The following RSPO4 variants were observed in gnomAD, a reference collection of about 807,000 sequenced individuals.
RSPO4 encodes the protein R-spondin-4.
RSPO4 carries 23 observed loss-of-function variants against 24.8 expected under a neutral mutation model. That is an observed-to-expected ratio of 0.93 (90% CI 0.67 to 1.31). The LOEUF (loss-of-function observed/expected upper bound fraction) is 1.31. RSPO4 is among the 40% of genes most tolerant of loss of function. RSPO4 has a pLI of 0.00. For missense variants in RSPO4, 333 were observed against 316.5 expected, an observed-to-expected ratio of 1.05 and a Z score of -0.39; for synonymous variants, 141 against 127.4, an observed-to-expected ratio of 1.11 and a Z score of -0.72.
At chr20:976,629 CT>C (rs1276788376) in intron 1 of RSPO4, among the ~76,000 whole-genome samples, 1 of 151,988 alleles carries the variant, frequency 6.6e-6, no homozygotes, top group Non-Finnish European at 1.5e-5. Context: ...CATATCATGC[CT>C]TCCATCTGCC....
intron 4 of RSPO4, among the ~76,000 whole-genome samples, chr20:963,534 C>A (rs1984073568): frequency 6.6e-6 from 1 of 152,088 alleles, no homozygotes; most frequent in African/African-American, 2.4e-5. Flanking sequence ...GCGCTTCCAT[C>A]AAGAAATTTC....
At chr20:978,682 C>G (rs570905323) in intron 1 of RSPO4, among the ~76,000 whole-genome samples, 209 of 152,180 alleles carry the variant, frequency 1.4e-3, no homozygotes, top group African/African-American at 5.0e-3. Flanking sequence ...AGGACCCAGG[C>G]AAGGTGGGAG....
At chr20:984,434 A>G (rs1460969871) in intron 1 of RSPO4, among the ~76,000 whole-genome samples, 1 of 152,182 alleles carries the variant, frequency 6.6e-6, no homozygotes, top group Non-Finnish European at 1.5e-5. Context: ...GGCCAGGTCT[A>G]AAAGTCAGCG....
At position 967,149 on chromosome 20, in the gene RSPO4, G is replaced by T. The variant is rs775201465; in HGVS notation, c.409+25C>A. On this transcript the variant is annotated intron_variant, in intron 3 of 4. Transcript: ENST00000217260. ...CTCCAGGGAGAGGGGAGGGGCAGGGGCAGGGCGGGGAGGTCCCCACTCACC... is the reference window on the plus strand; with the variant it reads ...CTCCAGGGAGAGGGGAGGGGCAGGGTCAGGGCGGGGAGGTCCCCACTCACC... The T allele has an allele frequency of 1.2e-5, 20 of 1,608,114 alleles. No individual in the cohort carries two copies. The African/African-American group carries it at 2.5e-4, about 20-fold the overall frequency.
chr20:1,000,157 C>T (rs1047421726), intron 1 of RSPO4, among the ~76,000 whole-genome samples: 8 of 152,310 alleles, frequency 5.3e-5, no homozygotes, highest in Non-Finnish European at 1.2e-4. Flanking sequence ...GCGTGAGCCA[C>T]CACACCTGGC....
intron 3 of RSPO4, among the ~76,000 whole-genome samples, chr20:964,793 T>TAC (rs1320914818): frequency 4.3e-4 from 45 of 104,046 alleles, no homozygotes; most frequent in African/African-American, 2.6e-3. Flanking sequence ...TATATACACA[T>TAC]ATATACACAC....
chr20:992,823 C>T (rs957038010), intron 1 of RSPO4, among the ~76,000 whole-genome samples: 5 of 152,188 alleles, frequency 3.3e-5, no homozygotes, highest in African/African-American at 7.2e-5. Flanking sequence ...ACCAGCAATG[C>T]GTTTGTCTAT....
chr20:968,855 C>T (rs1431680901), intron 1 of RSPO4, among the ~76,000 whole-genome samples: 1 of 152,180 alleles, frequency 6.6e-6, no homozygotes, highest in East Asian at 1.9e-4. Flanking sequence ...TTTGTTACCC[C>T]AGAATTGGCA....
intron 1 of RSPO4, among the ~76,000 whole-genome samples, chr20:987,132 G>C (rs1312401855): frequency 6.6e-6 from 1 of 152,208 alleles, no homozygotes; most frequent in Admixed American, 6.5e-5. Flanking sequence ...GGAGGAGCTA[G>C]AACTCAGACC....
chr20:991,326 C>G (rs1985095835), intron 1 of RSPO4, among the ~76,000 whole-genome samples: 1 of 152,074 alleles, frequency 6.6e-6, no homozygotes, highest in South Asian at 2.1e-4. Flanking sequence ...CAAGCCCCCT[C>G]TCCCCACTCA....
intron 4 of RSPO4, among the ~76,000 whole-genome samples, chr20:963,006 G>T (rs917486568): frequency 5.9e-5 from 9 of 152,176 alleles, no homozygotes; most frequent in Non-Finnish European, 1.2e-4. Flanking sequence ...AGTCAACACT[G>T]CCAATACTAC....
chr20:991,164 C>G (rs996825179), intron 1 of RSPO4, among the ~76,000 whole-genome samples: 5 of 152,200 alleles, frequency 3.3e-5, no homozygotes, highest in African/African-American at 1.2e-4. Context: ...TGGCCTCGAA[C>G]TCCTGGGCTC....
At chr20:976,555 C>T (rs1271441356) in intron 1 of RSPO4, among the ~76,000 whole-genome samples, 1 of 152,122 alleles carries the variant, frequency 6.6e-6, no homozygotes, top group African/African-American at 2.4e-5. Flanking sequence ...TCAACATGTG[C>T]AAGTGATCGC....
At chr20:972,096 G>T (rs1038814769) in intron 1 of RSPO4, among the ~76,000 whole-genome samples, 2 of 152,142 alleles carry the variant, frequency 1.3e-5, no homozygotes, top group Admixed American at 6.5e-5. Flanking sequence ...GCAAGGTCTT[G>T]CTCTGCCCCC....
In RSPO4 at chr20:981,779, A is replaced by G. The variant is rs1359144190; in HGVS notation, c.80-13641T>C. 2.6e-5 allele frequency among the ~76,000 whole-genome samples: 4 copies of G among 152,104 alleles called. No homozygotes were observed. The highest frequency in any genetic ancestry group is 2.6e-4 in the Admixed American group (4 of 15,274). ...AAGGATCTGCCTGTCCCCACATTAA[A>G]GCATAGAGAAGGCCTGAGCCCCTGC... is the stretch of plus-strand genomic sequence containing the variant. On this transcript the variant is annotated intron_variant, in intron 1 of 4. Transcript: ENST00000217260. The surrounding 1 kb of genome is among the most constrained non-coding windows in gnomAD (Gnocchi z 4.6).
Position 967,988 on chromosome 20 carries a change from T to C in RSPO4, c.230A>G (p.Tyr77Cys). ...GACCTCCTGGCCGCGGATGCCGAAGTACCCAGGGGGACAGTCGTGCAGGCA... is the reference window on the plus strand; with the variant it reads ...GACCTCCTGGCCGCGGATGCCGAAGCACCCAGGGGGACAGTCGTGCAGGCA... ...GKCLHDCPPG[Y>C]FGIRGQEVNR... Residue 77 changes from tyrosine (Y) to cysteine (C), a missense_variant, in exon 2 of 5, where the codon TAC (tyrosine) becomes TGC (cysteine). Tyr to Cys is a radical substitution (Grantham distance 194). Transcript: ENST00000217260. 2 of 1,614,230 alleles carry C rather than the reference T, an allele frequency of 1.2e-6. No individual in the cohort carries two copies. Among genetic ancestry groups the C allele is most frequent in the Non-Finnish European group, 1.7e-6 (2 of 1,180,038 alleles).
At chr20:960,602 T>C in intron 4 of RSPO4, 136 bp from the exon 5 acceptor site, 3 of 707,206 alleles carry the variant, frequency 4.2e-6, no homozygotes, top group Non-Finnish European at 7.6e-6. Flanking sequence ...GCACTGACCT[T>C]GCAGTCCCTC....
intron 1 of RSPO4, among the ~76,000 whole-genome samples, chr20:977,865 C>T (rs1304617912): frequency 3.3e-5 from 5 of 150,180 alleles, no homozygotes; most frequent in African/African-American, 1.3e-4. Flanking sequence ...TCCTCCGATG[C>T]CCGCCTGGCA....
At chr20:993,031 G>C (rs112388495) in intron 1 of RSPO4, among the ~76,000 whole-genome samples, 41 of 152,292 alleles carry the variant, frequency 2.7e-4, no homozygotes, top group Middle Eastern at 3.4e-3. Context: ...GGGCAACTGT[G>C]ACATTCCTTC....
Sources: allele counts gnomAD v4.1 joint callset (sites outside exome capture counted in the v4.1 genomes callset), GRCh38; gene constraint gnomAD v4.1.1; non-coding constraint Gnocchi (gnomAD v3.1); transcripts MANE v1.5; gene names NCBI Gene and HGNC (gene_info 2026-07-23, HGNC 2026-07-21).